The following PTPRN2 variants were observed in gnomAD, a reference collection of about 807,000 sequenced individuals.
The protein encoded by PTPRN2 is receptor-type tyrosine-protein phosphatase N2.
In PTPRN2, 74 loss-of-function variants were observed where a neutral mutation model predicts 118.8. The ratio of observed to expected loss-of-function variants is 0.62; its 90% CI spans 0.52 to 0.76. The LOEUF (loss-of-function observed/expected upper bound fraction) is 0.76. Among genes scored for constraint, PTPRN2 ranks in the 30% least tolerant of loss-of-function variants. The pLI is 0.00. For synonymous variants in PTPRN2, 641 were observed against 608.0 expected (o/e 1.05, Z -0.80); for missense variants, 1,481 against 1,394.4 (o/e 1.06, Z -0.99).
intron 11 of PTPRN2, among the ~76,000 whole-genome samples, chr7:158,076,639 C>G (rs1366926006): frequency 6.6e-6 from 1 of 152,212 alleles, no homozygotes; most frequent in African/African-American, 2.4e-5. Flanking sequence ...CTGGCATGTC[C>G]TTGGCACACT....
In PTPRN2 at chr7:158,548,231, C is replaced by T. The variant is rs188815104; in HGVS notation, c.112+39327G>A. On this transcript the variant is annotated intron_variant, in intron 1 of 22. Coordinates refer to ENST00000389418, the MANE Select transcript of PTPRN2 (RefSeq NM_002847.5). ...GGTCATCTGTGCCTAGTGGATCAGA[C>T]GCTGTGAAGAGGAGTGTGTGCAAAC... Among the ~76,000 whole-genome samples the T allele has an allele frequency of 4.2e-3, 637 of 152,362 alleles. 3 individuals carry two copies. The highest frequency in any genetic ancestry group is 0.013 in the African/African-American group (558 of 41,582).
At chr7:158,395,298 TGAGGGGCGAGGGGTGAGGGGC>T (rs1232440753) in intron 2 of PTPRN2, among the ~76,000 whole-genome samples, 1 of 19,294 alleles carries the variant, frequency 5.2e-5, no homozygotes, top group African/African-American at 1.7e-4. Context: ...GGGTGAGGGG[TGAGGGGCGAGGGGTGAGGGGC>T]GAGGGGCGAG....
chr7:158,445,362 C>T (rs1224470160), intron 2 of PTPRN2, among the ~76,000 whole-genome samples: 1 of 152,186 alleles, frequency 6.6e-6, no homozygotes, highest in Non-Finnish European at 1.5e-5. Flanking sequence ...TAATTAAATC[C>T]CCCCGTCTGC....
At chr7:158,333,527 T>G (rs1804928444) in intron 2 of PTPRN2, among the ~76,000 whole-genome samples, 1 of 149,056 alleles carries the variant, frequency 6.7e-6, no homozygotes, top group Non-Finnish European at 1.5e-5. Context: ...CCATAAGACC[T>G]GACACTCGCA....
rs938749560 is a variant in PTPRN2 at position 157,801,230 on chromosome 7, T to C, written c.1788+97443A>G. Among the ~76,000 whole-genome samples the C allele has an allele frequency of 6.6e-6, 1 of 152,028 alleles. No individual in the cohort carries two copies. The highest frequency in any genetic ancestry group is 1.5e-5 in the Non-Finnish European group (1 of 68,004). On this transcript the variant is annotated intron_variant, in intron 12 of 22. Coordinates refer to ENST00000389418, the MANE Select transcript of PTPRN2 (RefSeq NM_002847.5). The surrounding 1 kb of genome is among the most constrained non-coding windows in gnomAD (Gnocchi z 4.2). ...GTGCAAGTTACGCCAGACCAGAAACTGAACCGACGCTGAAAGTATCAGGCC... is the reference window on the plus strand; with the variant it reads ...GTGCAAGTTACGCCAGACCAGAAACCGAACCGACGCTGAAAGTATCAGGCC...
At chr7:157,798,460 T>A (rs560164733) in intron 12 of PTPRN2, among the ~76,000 whole-genome samples, 33 of 152,108 alleles carry the variant, frequency 2.2e-4, no homozygotes, top group African/African-American at 7.5e-4. Context: ...ATTTCTCCCA[T>A]TTGGCTGTAC....
chr7:157,698,285 T>C (rs1213890917), intron 12 of PTPRN2, among the ~76,000 whole-genome samples: 1 of 152,250 alleles, frequency 6.6e-6, no homozygotes, highest in Non-Finnish European at 1.5e-5. Context: ...ACAATGCAAG[T>C]CATTTTTTGT....
intron 11 of PTPRN2, among the ~76,000 whole-genome samples, chr7:158,031,920 G>A (rs574850700): frequency 2.0e-5 from 3 of 152,320 alleles, no homozygotes; most frequent in African/African-American, 7.2e-5. Context: ...CCGGCGCTCC[G>A]GGGGCCCGCG....
intron 11 of PTPRN2, among the ~76,000 whole-genome samples, chr7:158,017,477 A>T (rs1417734192): frequency 2.6e-5 from 4 of 152,228 alleles, no homozygotes; most frequent in Admixed American, 1.3e-4. Flanking sequence ...CAGGGAGTCC[A>T]GGCCTGAACT....
intron 3 of PTPRN2, among the ~76,000 whole-genome samples, chr7:158,256,320 G>A (rs1036933792): frequency 2.1e-4 from 30 of 143,422 alleles, no homozygotes; most frequent in African/African-American, 4.9e-4. Flanking sequence ...GGGACCCCGC[G>A]GCTGCCTCTG....
intron 12 of PTPRN2, among the ~76,000 whole-genome samples, chr7:157,752,997 C>G (rs1312952365): frequency 2.0e-5 from 3 of 152,248 alleles, no homozygotes; most frequent in African/African-American, 7.2e-5. Flanking sequence ...GTGCTGATAA[C>G]AGACGGTCAG....
chr7:158,075,670 G>A (rs993919621), intron 11 of PTPRN2, among the ~76,000 whole-genome samples: 10 of 152,232 alleles, frequency 6.6e-5, no homozygotes, highest in Non-Finnish European at 1.2e-4. Context: ...TGTCTGTGCC[G>A]TGAGTCAGGG....
In PTPRN2 at chr7:157,619,399, C is replaced by T. The variant is rs1460664443; in HGVS notation, c.2344+1963G>A. ...CCGCTCACCACCACCCTCACTTGTCCTACCACACCGGCTTCACTCCCCGCC... is the reference window on the plus strand; with the variant it reads ...CCGCTCACCACCACCCTCACTTGTCTTACCACACCGGCTTCACTCCCCGCC... On this transcript the variant is annotated intron_variant, in intron 15 of 22. Coordinates refer to ENST00000389418, the MANE Select transcript of PTPRN2 (RefSeq NM_002847.5). This position sits in a 1 kb window ranked among gnomAD's most constrained non-coding sequence, Gnocchi z 5.3. Among the ~76,000 whole-genome samples the T allele has an allele frequency of 3.9e-5, 6 of 152,300 alleles. No homozygotes were observed. Among genetic ancestry groups the T allele is most frequent in the Admixed American group, 2.6e-4 (4 of 15,308 alleles).
At chr7:157,981,316 G>A (rs1803126780) in intron 11 of PTPRN2, among the ~76,000 whole-genome samples, 2 of 124,134 alleles carry the variant, frequency 1.6e-5, no homozygotes, top group South Asian at 4.5e-4. Context: ...TCCAGGACAG[G>A]TGAAACTGCT....
At chr7:157,882,432 T>C (rs1260786528) in intron 12 of PTPRN2, among the ~76,000 whole-genome samples, 64 of 118,054 alleles carry the variant, frequency 5.4e-4, no homozygotes, top group Middle Eastern at 0.015. Flanking sequence ...ACAGAACACA[T>C]CACCCCAAAA....
chr7:158,023,230 C>T (rs1248330203), intron 11 of PTPRN2, among the ~76,000 whole-genome samples: 1 of 152,102 alleles, frequency 6.6e-6, no homozygotes, highest in Non-Finnish European at 1.5e-5. Context: ...TCCAACATCT[C>T]GCTAAAGGAG....
intron 11 of PTPRN2, among the ~76,000 whole-genome samples, chr7:157,911,228 G>T (rs1351662331): frequency 6.6e-6 from 1 of 152,188 alleles, no homozygotes; most frequent in Non-Finnish European, 1.5e-5. Context: ...CCACCCCATG[G>T]AGAAACGTCT....
chr7:157,917,309 T>C (rs1192585146), intron 11 of PTPRN2, among the ~76,000 whole-genome samples: 3 of 152,260 alleles, frequency 2.0e-5, no homozygotes, highest in Non-Finnish European at 2.9e-5. Flanking sequence ...AAGTGCACAT[T>C]GGCGTGGAGC....
At chr7:158,441,318 A>T (rs1425471019) in intron 2 of PTPRN2, among the ~76,000 whole-genome samples, 2 of 90,852 alleles carry the variant, frequency 2.2e-5, no homozygotes, top group African/African-American at 8.2e-5. Flanking sequence ...GGTGATGGCA[A>T]TGAAGGTGAT....
Sources: allele counts gnomAD v4.1 joint callset (sites outside exome capture counted in the v4.1 genomes callset), GRCh38; gene constraint gnomAD v4.1.1; non-coding constraint Gnocchi (gnomAD v3.1); transcripts MANE v1.5; gene names NCBI Gene and HGNC (gene_info 2026-07-23, HGNC 2026-07-21).